The following TJP1 variants were observed in gnomAD, a reference collection of about 807,000 sequenced individuals.
TJP1 encodes tight junction protein ZO-1.
TJP1 carries 43 observed loss-of-function variants against 194.2 expected under a neutral mutation model. That is an observed-to-expected ratio of 0.22 (90% CI 0.17 to 0.29). The LOEUF is 0.29. Ranked by LOEUF, TJP1 falls within the 10% of genes least tolerant of loss-of-function variation. The pLI, the probability that TJP1 is intolerant of heterozygous loss-of-function variation, is 1.00. For missense variants in TJP1, 1,971 were observed against 2,185.7 expected, an observed-to-expected ratio of 0.90 and a Z score of 1.96; for synonymous variants, 801 against 779.0, an observed-to-expected ratio of 1.03 and a Z score of -0.47.
At chr15:29,877,993 CT>C (rs2052772591) in intron 2 of TJP1, among the ~76,000 whole-genome samples, 2 of 151,010 alleles carry the variant, frequency 1.3e-5, no homozygotes, top group African/African-American at 4.9e-5. Flanking sequence ...AAAACAAATA[CT>C]TTGACTTTTT....
At chr15:29,793,145 T>A (rs958897466) in intron 2 of TJP1, among the ~76,000 whole-genome samples, 1 of 152,236 alleles carries the variant, frequency 6.6e-6, no homozygotes, top group African/African-American at 2.4e-5. Context: ...CAGTACCACG[T>A]TGAAGAAAGG....
intron 2 of TJP1, among the ~76,000 whole-genome samples, chr15:29,917,996 C>G (rs1035606379): frequency 6.6e-6 from 1 of 152,188 alleles, no homozygotes; most frequent in African/African-American, 2.4e-5. Context: ...CTCACTCCCT[C>G]TTTCCCCCAA....
chr15:29,766,161 C>A, intron 5 of TJP1, 105 bp downstream of exon 5: 1 of 1,444,682 alleles, frequency 6.9e-7, no homozygotes. Flanking sequence ...AACACAAACA[C>A]AAAGACAACA....
Position 29,847,228 on chromosome 15 carries a change from G to C in TJP1, c.307-46526C>G, listed in dbSNP as rs553898903. Reference sequence around the variant, plus strand: ...AGCAATCTTTTCCTCTCAGCTTCCAGAGTAGCTGGGACCACAGGTGCGCAC... The same window carrying C: ...AGCAATCTTTTCCTCTCAGCTTCCACAGTAGCTGGGACCACAGGTGCGCAC... On this transcript the variant is annotated intron_variant, in intron 2 of 28. Coordinates refer to the TJP1 transcript ENST00000356107. Among the ~76,000 whole-genome samples the C allele has an allele frequency of 1.7e-4, 26 of 152,088 alleles. No homozygotes were observed. The South Asian group carries it at 5.4e-3, about 32-fold the overall frequency.
intron 2 of TJP1, among the ~76,000 whole-genome samples, chr15:29,844,840 G>T (rs1469525784): frequency 6.6e-6 from 1 of 152,188 alleles, no homozygotes; most frequent in East Asian, 1.9e-4. Context: ...GATGCTATTT[G>T]AAGCCATGAG....
chr15:29,904,699 G>A (rs139690816), intron 2 of TJP1, among the ~76,000 whole-genome samples: 34 of 152,248 alleles, frequency 2.2e-4, no homozygotes, highest in Middle Eastern at 3.4e-3. Flanking sequence ...AATCGAAGTG[G>A]GCTGAACAGT....
intron 2 of TJP1, among the ~76,000 whole-genome samples, chr15:29,895,495 T>C (rs905759432): frequency 1.3e-5 from 2 of 152,218 alleles, no homozygotes; most frequent in African/African-American, 4.8e-5. Flanking sequence ...TCTAATAACA[T>C]GTTCCTCATT....
chr15:29,890,851 C>G (rs1026282010), intron 2 of TJP1, among the ~76,000 whole-genome samples: 6 of 151,882 alleles, frequency 4.0e-5, no homozygotes, highest in African/African-American at 1.5e-4. Flanking sequence ...AGAGTGAAAG[C>G]TATAAATAAG....
chr15:29,728,590 T>C (rs916374853), intron 15 of TJP1: 1 of 153,136 alleles, frequency 6.5e-6, no homozygotes, highest in Admixed American at 6.5e-5. Context: ...GCCTATGGCT[T>C]CATCCTGGCA....
chr15:29,949,532 TCCA>T (rs2055503156), intron 2 of TJP1, among the ~76,000 whole-genome samples: 112 of 17,604 alleles, frequency 6.4e-3, no homozygotes, highest in African/African-American at 0.022. Context: ...CACCACCACC[TCCA>T]CCACCACCAC....
At chr15:29,827,625 T>C (rs2050715922) in intron 2 of TJP1, among the ~76,000 whole-genome samples, 2 of 152,234 alleles carry the variant, frequency 1.3e-5, no homozygotes, top group South Asian at 4.1e-4. Flanking sequence ...CATTTAAAAC[T>C]GGTGTTGCAC....
At chr15:29,726,553 C>T (rs2043250037) in intron 17 of TJP1, 74 bp from the exon 18 acceptor site, 1 of 1,407,140 alleles carries the variant, frequency 7.1e-7, no homozygotes, top group African/African-American at 1.4e-5. Context: ...ACCCTGCTTA[C>T]AGCTAAATCG....
At chr15:29,843,020 G>A (rs1447802433) in intron 2 of TJP1, among the ~76,000 whole-genome samples, 3 of 152,000 alleles carry the variant, frequency 2.0e-5, no homozygotes, top group East Asian at 1.9e-4. Context: ...AGATTAAAAC[G>A]AACTCCTGTA....
intron 1 of TJP1, among the ~76,000 whole-genome samples, chr15:29,815,959 G>A (rs1029210198): frequency 6.6e-6 from 1 of 151,590 alleles, no homozygotes; most frequent in Non-Finnish European, 1.5e-5. Flanking sequence ...CATATACTGC[G>A]TTACAGCCCT....
At chr15:29,778,544 C>G (rs1466899027) in intron 2 of TJP1, among the ~76,000 whole-genome samples, 1 of 152,128 alleles carries the variant, frequency 6.6e-6, no homozygotes, top group Non-Finnish European at 1.5e-5. Context: ...GTTGGCAGTG[C>G]TGTCCCTCTA....
At chr15:29,899,256 C>T (rs916467191) in intron 2 of TJP1, among the ~76,000 whole-genome samples, 3 of 152,168 alleles carry the variant, frequency 2.0e-5, no homozygotes, top group Non-Finnish European at 4.4e-5. Flanking sequence ...AAGAAATAAT[C>T]GTCTCTTCTG....
At chr15:29,954,163 T>C (rs1364875333) in intron 2 of TJP1, among the ~76,000 whole-genome samples, 1 of 152,212 alleles carries the variant, frequency 6.6e-6, no homozygotes, top group Non-Finnish European at 1.5e-5. Context: ...AATTCTTTCA[T>C]GAAATGAGGG....
chr15:29,937,930 C>G (rs981370955), intron 2 of TJP1, among the ~76,000 whole-genome samples: 6 of 152,306 alleles, frequency 3.9e-5, no homozygotes, highest in African/African-American at 1.4e-4. Flanking sequence ...TGTGGCCTGC[C>G]TCAAAGCAAG....
At chr15:29,891,104 T>C (rs2053292468) in intron 2 of TJP1, among the ~76,000 whole-genome samples, 1 of 152,218 alleles carries the variant, frequency 6.6e-6, no homozygotes, top group African/African-American at 2.4e-5. Context: ...AGCTGGAAGC[T>C]CAAATCCCCC....
Sources: gnomAD v4.1 joint callset for allele counts (sites outside exome capture counted in the v4.1 genomes callset) on GRCh38, gnomAD v4.1.1 for gene constraint, MANE v1.5 for transcripts, NCBI Gene and HGNC (gene_info 2026-07-23, HGNC 2026-07-21) for gene names.